Variants in BBS9 observed in about 807,000 individuals in gnomAD.
BBS9 encodes the protein Bardet-Biedl syndrome 9.
In BBS9, 89 loss-of-function variants were observed where a neutral mutation model predicts 117.7. That is an observed-to-expected ratio of 0.76 (90% confidence interval 0.64 to 0.90). The LOEUF is 0.90. Ranked by LOEUF, BBS9 falls within the 40% of genes least tolerant of loss-of-function variation. The pLI, the probability that BBS9 is intolerant of heterozygous loss-of-function variation, is 0.00. For synonymous variants in BBS9, 379 were observed against 370.9 expected (o/e 1.02, Z -0.25); for missense variants, 982 against 1,042.2 (o/e 0.94, Z 0.80).
At chr7:33,612,574 T>A (rs1429663728) in intron 21 of BBS9, among the ~76,000 whole-genome samples, 2 of 151,976 alleles carry the variant, frequency 1.3e-5, no homozygotes, top group Admixed American at 1.3e-4. Flanking sequence ...TGTCCTTCAT[T>A]TGAGTCCCTC....
chr7:33,600,827 T>C (rs1237136045), intron 21 of BBS9, among the ~76,000 whole-genome samples: 1 of 152,198 alleles, frequency 6.6e-6, no homozygotes. Context: ...TCTTGTTACC[T>C]TGGGCTGTGG....
chr7:33,192,989 A>G (rs995715455), intron 5 of BBS9, among the ~76,000 whole-genome samples: 8 of 152,172 alleles, frequency 5.3e-5, no homozygotes, highest in Non-Finnish European at 1.0e-4. Context: ...GGAATTTTGG[A>G]TGACGTTCAG....
At chr7:33,174,720 A>G (rs1307862867) in intron 4 of BBS9, among the ~76,000 whole-genome samples, 5 of 152,232 alleles carry the variant, frequency 3.3e-5, no homozygotes, top group African/African-American at 9.6e-5. Flanking sequence ...AGGCAGCTTT[A>G]GGCTAAACTT....
chr7:33,421,950 G>A (rs1260453645), intron 19 of BBS9, among the ~76,000 whole-genome samples: 1 of 151,826 alleles, frequency 6.6e-6, no homozygotes, highest in Non-Finnish European at 1.5e-5. Context: ...GAAAAGGGAA[G>A]GGAATAAAAA....
intron 19 of BBS9, among the ~76,000 whole-genome samples, chr7:33,451,721 A>T (rs1837901505): frequency 6.6e-6 from 1 of 152,182 alleles, no homozygotes; most frequent in South Asian, 2.1e-4. Context: ...CTGTTTTTGC[A>T]TAACATGCCA....
At chr7:33,479,217 G>A (rs939059435) in intron 19 of BBS9, among the ~76,000 whole-genome samples, 3 of 152,102 alleles carry the variant, frequency 2.0e-5, no homozygotes, top group East Asian at 1.9e-4. Flanking sequence ...CATAGTACCC[G>A]CTAGGTAGTT....
chr7:33,571,056 A>G (rs74542675), intron 21 of BBS9, among the ~76,000 whole-genome samples: 3,581 of 152,274 alleles, frequency 0.024, 49 homozygotes, highest in East Asian at 0.047. Flanking sequence ...ATATAATACC[A>G]ATGTTAATTT....
intron 20 of BBS9, among the ~76,000 whole-genome samples, chr7:33,519,538 T>C (rs73688896): frequency 0.016 from 2,481 of 152,078 alleles, 62 homozygotes; most frequent in African/African-American, 0.056. Flanking sequence ...TGGTGGACTC[T>C]TGTAAAAGTT....
chr7:33,215,563 A>G (rs1420096494), intron 5 of BBS9, among the ~76,000 whole-genome samples: 6 of 152,228 alleles, frequency 3.9e-5, no homozygotes, highest in Non-Finnish European at 5.9e-5. Context: ...CTACTAAAAG[A>G]AAACACTGGA....
intron 6 of BBS9, among the ~76,000 whole-genome samples, chr7:33,258,824 A>G (rs1797503688): frequency 1.3e-5 from 2 of 152,196 alleles, no homozygotes; most frequent in African/African-American, 2.4e-5. Flanking sequence ...GAGTGATTGG[A>G]TAGAGAAGTA....
intron 17 of BBS9, among the ~76,000 whole-genome samples, chr7:33,368,390 T>A (rs1822201044): frequency 6.6e-6 from 1 of 152,178 alleles, no homozygotes; most frequent in African/African-American, 2.4e-5. Context: ...AATTTAAATA[T>A]GCTTTATTGA....
intron 4 of BBS9, among the ~76,000 whole-genome samples, chr7:33,161,065 A>T (rs990625096): frequency 6.6e-6 from 1 of 152,180 alleles, no homozygotes; most frequent in Non-Finnish European, 1.5e-5. Context: ...TGGGTTTGAA[A>T]AGCAAACATT....
intron 15 of BBS9, among the ~76,000 whole-genome samples, chr7:33,357,114 A>T (rs1584474364): frequency 6.6e-6 from 1 of 151,792 alleles, no homozygotes; most frequent in South Asian, 2.1e-4. Flanking sequence ...CTTTATACAA[A>T]TTCTAATATG....
chr7:33,525,813 C>G (rs1849398118), intron 20 of BBS9, among the ~76,000 whole-genome samples: 2 of 141,964 alleles, frequency 1.4e-5, no homozygotes, highest in African/African-American at 5.4e-5. Context: ...GGTGATTTTG[C>G]TCGTTAGTTG....
At chr7:33,530,330 G>A (rs1298240229) in intron 20 of BBS9, among the ~76,000 whole-genome samples, 1 of 152,122 alleles carries the variant, frequency 6.6e-6, no homozygotes, top group Non-Finnish European at 1.5e-5. Flanking sequence ...CTGCAAGTTG[G>A]CATCAGGAAA....
chr7:33,459,956 G>A (rs978590168), intron 19 of BBS9, among the ~76,000 whole-genome samples: 3 of 152,082 alleles, frequency 2.0e-5, no homozygotes, highest in African/African-American at 7.2e-5. Flanking sequence ...ATCTTTATAA[G>A]TTAAATGAAA....
chr7:33,619,640 T>C (rs1353888892), intron 21 of BBS9, among the ~76,000 whole-genome samples: 1 of 152,138 alleles, frequency 6.6e-6, no homozygotes, highest in East Asian at 1.9e-4. Context: ...CCAAGAAGAT[T>C]GACATAATAT....
intron 2 of BBS9, among the ~76,000 whole-genome samples, chr7:33,151,275 C>A (rs956154258): frequency 6.6e-6 from 1 of 151,942 alleles, no homozygotes; most frequent in East Asian, 1.9e-4. Flanking sequence ...AAAGAAGAAC[C>A]AATTCCAAAT....
intron 5 of BBS9, among the ~76,000 whole-genome samples, chr7:33,229,434 G>T (rs553005270): frequency 3.6e-4 from 55 of 152,076 alleles, no homozygotes; most frequent in African/African-American, 1.1e-3. Flanking sequence ...ATGTATTGGA[G>T]TTTTGTTTTG....
Sources: allele counts gnomAD v4.1 joint callset (sites outside exome capture counted in the v4.1 genomes callset), GRCh38; gene constraint gnomAD v4.1.1; transcripts MANE v1.5; gene names NCBI Gene and HGNC (gene_info 2026-07-23, HGNC 2026-07-21).